Variants in TXNDC12 observed in about 807,000 individuals in gnomAD.
The protein encoded by TXNDC12 is thioredoxin domain-containing protein 12.
A neutral mutation model predicts 24.2 loss-of-function variants in TXNDC12; 22 were observed. The ratio of observed to expected loss-of-function variants is 0.91; its 90% CI spans 0.65 to 1.30. The LOEUF (loss-of-function observed/expected upper bound fraction) is 1.30, where lower values mean the gene tolerates loss of function less well. Ranked by LOEUF, TXNDC12 falls within the 50% of genes most tolerant of loss-of-function variation. TXNDC12 has a pLI of 0.00. For missense variants in TXNDC12, 184 were observed against 205.8 expected, an observed-to-expected ratio of 0.89 and a Z score of 0.65; for synonymous variants, 58 against 73.4, an observed-to-expected ratio of 0.79 and a Z score of 1.07.
Position 52,028,595 on chromosome 1 carries a change from C to T in TXNDC12, c.194G>A (p.Trp65Ter), listed in dbSNP as rs752379909. 1.9e-6 allele frequency: 3 copies of T among 1,612,556 alleles called. No individual in the cohort carries two copies. In the Admixed American group the frequency reaches 5.0e-5, roughly 27 times the overall value. ...GCACTTACCTTTGCAAGCTCCACAC[C>T]AGGATTTATGAATAATCACCATCAG... ...LPLMVIIHKS[W>*]CGACKALKPK... Residue 65 changes from tryptophan (W) to a stop codon, truncating the protein, a stop_gained, in exon 3 of 7, where the codon TGG (tryptophan) becomes TAG (stop). Coordinates refer to ENST00000371626, the MANE Select transcript of TXNDC12 (RefSeq NM_015913.4). LOFTEE classifies it high-confidence loss of function.
At chr1:52,023,694 C>A in intron 5 of TXNDC12, 120 bp from the exon 6 acceptor site, 1 of 707,504 alleles carries the variant, frequency 1.4e-6, no homozygotes, top group Non-Finnish European at 2.5e-6. Context: ...CAGCCCATTA[C>A]CTCACCATAA....
At chr1:52,027,433 T>G in intron 3 of TXNDC12, 85 bp from the exon 4 acceptor site, 1 of 1,074,638 alleles carries the variant, frequency 9.3e-7, no homozygotes, top group African/African-American at 1.6e-5. Context: ...ACTATTTCTC[T>G]TTGGTAGTTT....
chr1:52,040,482 C>T (rs1685964842), intron 2 of TXNDC12, among the ~76,000 whole-genome samples: 3 of 152,168 alleles, frequency 2.0e-5, no homozygotes, highest in Non-Finnish European at 1.5e-5. Flanking sequence ...CCACCGCACC[C>T]AGCCAGTGTG....
At chr1:52,040,922 C>T (rs1030849047) in intron 2 of TXNDC12, among the ~76,000 whole-genome samples, 1 of 151,484 alleles carries the variant, frequency 6.6e-6, no homozygotes, top group African/African-American at 2.4e-5. Flanking sequence ...ATCTCAGCTA[C>T]GTGGGAGGCT....
chr1:52,032,382 G>A, intron 2 of TXNDC12: 1 of 1,119,538 alleles, frequency 8.9e-7, no homozygotes, highest in Admixed American at 4.4e-5. Context: ...CGCCTCAGAT[G>A]AGGGAAGCCA....
intron 1 of TXNDC12, among the ~76,000 whole-genome samples, chr1:52,048,540 A>G (rs552396612): frequency 6.6e-6 from 1 of 152,022 alleles, no homozygotes; most frequent in African/African-American, 2.4e-5. Context: ...CAAACAAGAT[A>G]GAGTCAAGGA....
At chr1:52,028,989 G>A (rs567695812) in intron 2 of TXNDC12, among the ~76,000 whole-genome samples, 7 of 152,152 alleles carry the variant, frequency 4.6e-5, no homozygotes, top group African/African-American at 1.7e-4. Context: ...TTAGCTGGGC[G>A]TGGTGGCACG....
At chr1:52,032,154 C>A in intron 2 of TXNDC12, 1 of 976,096 alleles carries the variant, frequency 1.0e-6, no homozygotes, top group Non-Finnish European at 1.2e-6. Context: ...AGATAACTTT[C>A]TTACTTCCAC....
chr1:52,041,648 T>C (rs1179501659), intron 1 of TXNDC12, 51 bp from the exon 2 acceptor site: 1 of 1,276,018 alleles, frequency 7.8e-7, no homozygotes, highest in Non-Finnish European at 1.1e-6. Flanking sequence ...AAGGGCACAG[T>C]CCCAAGAAGG....
chr1:52,024,430 C>G lies in TXNDC12; in HGVS notation c.355+80G>C. On this transcript the variant is annotated intron_variant, in intron 5 of 6. Transcript: ENST00000371626. ...GTTTGTGGTCATCCTGGTATAGTTT[C>G]ACTAGGTGAAGTCAGTGCCTTGATT... is the stretch of plus-strand genomic sequence containing the variant. The G allele has an allele frequency of 5.4e-6, 6 of 1,102,814 alleles. No homozygotes were observed. The South Asian group carries it at 7.9e-5, about 15-fold the overall frequency. 68.3% of individuals were successfully genotyped at this position (1,102,814 alleles called of 1,614,324 possible).
chr1:52,033,747 C>T, intron 2 of TXNDC12: 1 of 1,601,428 alleles, frequency 6.2e-7, no homozygotes, highest in Non-Finnish European at 8.5e-7. Context: ...GCCCGCAAAA[C>T]ACCACGAGCG....
chr1:52,029,092 C>CTAGT (rs1685716832), intron 2 of TXNDC12, among the ~76,000 whole-genome samples: 1 of 152,150 alleles, frequency 6.6e-6, no homozygotes, highest in Non-Finnish European at 1.5e-5. Flanking sequence ...CGCACCACTA[C>CTAGT]ACTCCAGCCT....
At chr1:52,021,713 T>C (rs776107888) in intron 6 of TXNDC12, among the ~76,000 whole-genome samples, 60 of 152,262 alleles carry the variant, frequency 3.9e-4, no homozygotes, top group Non-Finnish European at 7.5e-4. Context: ...TGAATGGTGG[T>C]TCTACAAAGC....
intron 1 of TXNDC12, among the ~76,000 whole-genome samples, chr1:52,043,053 G>A (rs1009315525): frequency 5.3e-5 from 8 of 152,176 alleles, no homozygotes; most frequent in Non-Finnish European, 7.3e-5. Flanking sequence ...ATGAGCCACC[G>A]CACCCGGCCC....
chr1:52,022,635 GTTT>G (rs1188645759), intron 6 of TXNDC12, among the ~76,000 whole-genome samples: 3 of 118,614 alleles, frequency 2.5e-5, no homozygotes, highest in Non-Finnish European at 1.8e-5. Flanking sequence ...GGTTTTTTTG[GTTT>G]TTTTTTTTTT....
intron 1 of TXNDC12, among the ~76,000 whole-genome samples, chr1:52,045,474 T>TA (rs1451181342): frequency 6.6e-6 from 1 of 151,956 alleles, no homozygotes; most frequent in Non-Finnish European, 1.5e-5. Context: ...CAGACAAACT[T>TA]AAAGGGAAGA....
At chr1:52,038,958 AT>A (rs1685935924) in intron 2 of TXNDC12, among the ~76,000 whole-genome samples, 2 of 133,948 alleles carry the variant, frequency 1.5e-5, no homozygotes, top group Admixed American at 1.5e-4. Flanking sequence ...CTTTAAAAAA[AT>A]TTTTTTTTGT....
intron 2 of TXNDC12, among the ~76,000 whole-genome samples, chr1:52,029,659 T>C (rs1685722836): frequency 6.6e-6 from 1 of 152,240 alleles, no homozygotes; most frequent in Non-Finnish European, 1.5e-5. Context: ...AAGGAACTCT[T>C]AGCTGTCTCT....
intron 2 of TXNDC12, chr1:52,032,688 C>G: frequency 6.4e-7 from 1 of 1,572,964 alleles, no homozygotes; most frequent in Non-Finnish European, 8.6e-7. Flanking sequence ...TCCCCCCTAC[C>G]TCCTCTGGTC....
Sources: allele counts gnomAD v4.1 joint callset (sites outside exome capture counted in the v4.1 genomes callset), GRCh38; gene constraint gnomAD v4.1.1; transcripts MANE v1.5; gene names NCBI Gene and HGNC (gene_info 2026-07-23, HGNC 2026-07-21).